The following PCDH15 variants were observed in gnomAD, a reference collection of about 807,000 sequenced individuals.
PCDH15 encodes protocadherin-15.
In PCDH15, 129 loss-of-function variants were observed where a neutral mutation model predicts 178.5. The observed-to-expected ratio is 0.72, with a 90% confidence interval of 0.63 to 0.84. PCDH15 has a LOEUF of 0.84. PCDH15 is among the 40% of genes least tolerant of loss of function. The pLI, the probability that PCDH15 is intolerant of heterozygous loss-of-function variation, is 0.00. For synonymous variants in PCDH15, 800 were observed against 732.0 expected (o/e 1.09, Z -1.50); for missense variants, 2,230 against 2,099.9 (o/e 1.06, Z -1.21).
At chr10:54,922,935 G>C (rs991601783) in intron 2 of PCDH15, among the ~76,000 whole-genome samples, 1 of 152,194 alleles carries the variant, frequency 6.6e-6, no homozygotes, top group Admixed American at 6.5e-5. Context: ...TGGGGACTCT[G>C]TGTGGGCGCT....
At chr10:54,279,743 A>G (rs1159152985) in intron 8 of PCDH15, among the ~76,000 whole-genome samples, 1 of 151,720 alleles carries the variant, frequency 6.6e-6, no homozygotes, top group Non-Finnish European at 1.5e-5. Flanking sequence ...GATATATAAA[A>G]ATTAATTGCC....
rs35466519 is a variant in PCDH15, at chr10:54,234,132, C to CTGTGTGTGTG, written c.985+2681_985+2690dup. On this transcript the variant is annotated intron_variant, in intron 9 of 37. Transcript: ENST00000644397. ...AAGTCAGAGTCATGGATATCCCCTT[C>CTGTGTGTGTG]TGTGTGTGTGTGTGTGTGTGTGTGT... Among the ~76,000 whole-genome samples the CTGTGTGTGTG allele has an allele frequency of 5.7e-3, 794 of 138,532 alleles. 3 individuals are homozygous for CTGTGTGTGTG. The highest frequency in any genetic ancestry group is 0.015 in the Middle Eastern group (4 of 270). The allele number at this position is 138,532 out of a possible 152,430, so 90.9% of individuals were successfully genotyped here.
At chr10:55,626,121 G>A (rs1837521995) in intron 2 of PCDH15, among the ~76,000 whole-genome samples, 1 of 151,758 alleles carries the variant, frequency 6.6e-6, no homozygotes, top group Non-Finnish European at 1.5e-5. Flanking sequence ...GAAGCTACAA[G>A]TGTACAGAAG....
At chr10:54,555,385 G>A (rs2087084757) in intron 2 of PCDH15, among the ~76,000 whole-genome samples, 1 of 152,106 alleles carries the variant, frequency 6.6e-6, no homozygotes, top group Admixed American at 6.6e-5. Context: ...TATGTAAACA[G>A]AATTGCTAAT....
chr10:55,120,053 A>G (rs1340556194), intron 2 of PCDH15, among the ~76,000 whole-genome samples: 3 of 152,116 alleles, frequency 2.0e-5, no homozygotes, highest in Admixed American at 2.0e-4. Flanking sequence ...AGAACCAGAG[A>G]GAACATTTAA....
intron 2 of PCDH15, among the ~76,000 whole-genome samples, chr10:55,021,674 T>C: frequency 6.6e-6 from 1 of 152,180 alleles, no homozygotes; most frequent in East Asian, 1.9e-4. Flanking sequence ...CTGGCTGTTG[T>C]TGTAGATGTT....
chr10:54,081,235 G>A (rs2094432769), intron 16 of PCDH15, among the ~76,000 whole-genome samples: 1 of 151,926 alleles, frequency 6.6e-6, no homozygotes, highest in South Asian at 2.1e-4. Context: ...TCCTCAGCAT[G>A]TTCAGAATTC....
chr10:55,033,116 C>G (rs549857585), intron 2 of PCDH15, among the ~76,000 whole-genome samples: 2 of 152,050 alleles, frequency 1.3e-5, no homozygotes, highest in South Asian at 4.1e-4. Context: ...CAAGTGATAC[C>G]TCAGAGAGCC....
intron 3 of PCDH15, among the ~76,000 whole-genome samples, chr10:54,425,155 T>C (rs1349701316): frequency 1.3e-5 from 2 of 152,086 alleles, no homozygotes; most frequent in Non-Finnish European, 2.9e-5. Context: ...GAATGCTCCC[T>C]CCAAAACTTA....
chr10:55,455,292 T>C (rs1839525883), intron 2 of PCDH15, among the ~76,000 whole-genome samples: 1 of 152,202 alleles, frequency 6.6e-6, no homozygotes, highest in South Asian at 2.1e-4. Flanking sequence ...TTGTATATTA[T>C]TATTTATAGT....
intron 2 of PCDH15, among the ~76,000 whole-genome samples, chr10:54,631,581 A>G (rs2093701246): frequency 1.3e-5 from 2 of 152,148 alleles, no homozygotes; most frequent in Admixed American, 1.3e-4. Context: ...AAATCATCCT[A>G]CAAAAAAGGG....
intron 3 of PCDH15, among the ~76,000 whole-genome samples, chr10:54,474,497 A>G (rs1310117473): frequency 6.6e-6 from 1 of 151,984 alleles, no homozygotes; most frequent in African/African-American, 2.4e-5. Flanking sequence ...TATGATGACG[A>G]TCCTTTTTAA....
chr10:55,084,283 A>T (rs187687011), intron 2 of PCDH15, among the ~76,000 whole-genome samples: 2 of 151,918 alleles, frequency 1.3e-5, no homozygotes, highest in East Asian at 3.9e-4. Flanking sequence ...AAATCCATAA[A>T]TCTCATTTTT....
At chr10:55,140,551 C>T (rs184933075) in intron 2 of PCDH15, among the ~76,000 whole-genome samples, 3 of 152,014 alleles carry the variant, frequency 2.0e-5, no homozygotes, top group Non-Finnish European at 2.9e-5. Context: ...TCATGACATA[C>T]TGTTAAGAAG....
chr10:54,907,227 A>T (rs1210052596), intron 2 of PCDH15, among the ~76,000 whole-genome samples: 1 of 152,234 alleles, frequency 6.6e-6, no homozygotes, highest in Non-Finnish European at 1.5e-5. Flanking sequence ...ACACTAATAA[A>T]TATATGACAC....
chr10:55,288,864 C>T (rs1842938805), intron 1 of PCDH15, among the ~76,000 whole-genome samples: 1 of 149,068 alleles, frequency 6.7e-6, no homozygotes, highest in Non-Finnish European at 1.5e-5. Flanking sequence ...GACTTCAATT[C>T]TATTAGATAT....
chr10:55,179,205 C>G (rs548401773), intron 1 of PCDH15, among the ~76,000 whole-genome samples: 3 of 152,182 alleles, frequency 2.0e-5, no homozygotes, highest in South Asian at 4.2e-4. Flanking sequence ...TATCTGACAG[C>G]TGTTTTCCCA....
At chr10:54,387,740 C>T (rs1176430613) in intron 3 of PCDH15, among the ~76,000 whole-genome samples, 1 of 152,154 alleles carries the variant, frequency 6.6e-6, no homozygotes, top group Non-Finnish European at 1.5e-5. Context: ...GCTATATAAA[C>T]CCCTAGTTTT....
At chr10:55,545,387 T>A (rs1589128177) in intron 2 of PCDH15, among the ~76,000 whole-genome samples, 1 of 151,784 alleles carries the variant, frequency 6.6e-6, no homozygotes, top group Admixed American at 6.6e-5. Context: ...GTGATTCTCC[T>A]TCCTCAGCCT....
Sources: allele counts gnomAD v4.1 joint callset (sites outside exome capture counted in the v4.1 genomes callset), GRCh38; gene constraint gnomAD v4.1.1; transcripts MANE v1.5; gene names NCBI Gene and HGNC (gene_info 2026-07-23, HGNC 2026-07-21).